The following AFG2A variants were observed in gnomAD, a reference collection of about 807,000 sequenced individuals.
The protein encoded by AFG2A is ATPase family gene 2 protein homolog A.
At chr4:123,059,516 G>T in the AFG2A span, among the ~76,000 whole-genome samples, 2 of 151,896 alleles carry the variant, frequency 1.3e-5, no homozygotes, top group Admixed American at 6.6e-5. Context: ...GTATTCCATG[G>T]TGTATCTGTG....
At chr4:123,171,816 T>C in the AFG2A span, among the ~76,000 whole-genome samples, 4 of 152,082 alleles carry the variant, frequency 2.6e-5, no homozygotes, top group Non-Finnish European at 5.9e-5. Context: ...TCCACAAATA[T>C]GCCTTGATAT....
the AFG2A span, among the ~76,000 whole-genome samples, chr4:123,009,036 C>G: frequency 6.6e-6 from 1 of 152,144 alleles, no homozygotes; most frequent in South Asian, 2.1e-4. Context: ...ACTCACTGGA[C>G]TTGGAAGCTG....
chr4:123,111,160 C>A, the AFG2A span, among the ~76,000 whole-genome samples: 1 of 152,036 alleles, frequency 6.6e-6, no homozygotes, highest in Non-Finnish European at 1.5e-5. Context: ...TTTAAGCCAA[C>A]CTGTATTTTT....
chr4:123,056,038 G>C, the AFG2A span, among the ~76,000 whole-genome samples: 2 of 152,196 alleles, frequency 1.3e-5, no homozygotes, highest in Non-Finnish European at 2.9e-5. Context: ...CCTGCTTAGA[G>C]CTAGCCAGTG....
chr4:123,285,713 G>A, the AFG2A span, among the ~76,000 whole-genome samples: 1 of 152,148 alleles, frequency 6.6e-6, no homozygotes, highest in Non-Finnish European at 1.5e-5. Flanking sequence ...GGTGGGTAAA[G>A]AAAAGGTACC....
chr4:123,228,475 C>G, the AFG2A span, among the ~76,000 whole-genome samples: 58 of 151,800 alleles, frequency 3.8e-4, 2 homozygotes, highest in East Asian at 5.0e-3. Flanking sequence ...TTCTTATTCC[C>G]TATAGAAGCC....
At chr4:123,001,990 G>T in the AFG2A span, among the ~76,000 whole-genome samples, 144 of 152,304 alleles carry the variant, frequency 9.5e-4, no homozygotes, top group African/African-American at 3.4e-3. Flanking sequence ...GGGTGCTCTT[G>T]TAATGGGTTC....
At chr4:123,096,540 G>A in the AFG2A span, among the ~76,000 whole-genome samples, 1 of 151,760 alleles carries the variant, frequency 6.6e-6, no homozygotes, top group Admixed American at 6.6e-5. Context: ...CTTCTTTCTC[G>A]GGTGATAAGC....
the AFG2A span, among the ~76,000 whole-genome samples, chr4:122,941,197 G>A: frequency 2.0e-5 from 3 of 151,590 alleles, no homozygotes; most frequent in Admixed American, 6.6e-5. Flanking sequence ...GATGGGGATG[G>A]CATTGAATCT....
At chr4:123,305,321 G>C in the AFG2A span, among the ~76,000 whole-genome samples, 1 of 152,166 alleles carries the variant, frequency 6.6e-6, no homozygotes, top group East Asian at 1.9e-4. Context: ...GGAAGGGAGC[G>C]GTTCTTGGTT....
At chr4:123,214,582 A>AAAAAAATAT in the AFG2A span, among the ~76,000 whole-genome samples, 1 of 151,402 alleles carries the variant, frequency 6.6e-6, no homozygotes, top group Non-Finnish European at 1.5e-5. Context: ...CTAGAAATAT[A>AAAAAAATAT]AAAAAAATTA....
At chr4:122,945,030 G>C in the AFG2A span, among the ~76,000 whole-genome samples, 2 of 152,180 alleles carry the variant, frequency 1.3e-5, no homozygotes, top group African/African-American at 4.8e-5. Context: ...GCCGTGTGAG[G>C]TGTCAGTCTG....
the AFG2A span, among the ~76,000 whole-genome samples, chr4:123,224,092 G>C: frequency 6.6e-6 from 1 of 151,950 alleles, no homozygotes; most frequent in Non-Finnish European, 1.5e-5. Flanking sequence ...GTTGATTTTT[G>C]TATATGATGT....
At chr4:123,055,658 G>C in the AFG2A span, among the ~76,000 whole-genome samples, 5 of 152,286 alleles carry the variant, frequency 3.3e-5, no homozygotes, top group Non-Finnish European at 7.4e-5. Flanking sequence ...TATGAATCTT[G>C]TTCAAAGTAA....
the AFG2A span, among the ~76,000 whole-genome samples, chr4:123,173,331 A>T: frequency 7.0e-6 from 1 of 143,318 alleles, no homozygotes; most frequent in Non-Finnish European, 1.5e-5. Context: ...TTAGTGAATA[A>T]GTCCAATGGT....
the AFG2A span, among the ~76,000 whole-genome samples, chr4:123,031,160 C>CT: frequency 5.9e-5 from 9 of 151,294 alleles, no homozygotes; most frequent in South Asian, 6.3e-4. Context: ...ACTCTGTTCT[C>CT]TTTTTTTTTG....
the AFG2A span, chr4:123,090,498 CTA>C: frequency 6.6e-7 from 1 of 1,506,008 alleles, no homozygotes; most frequent in Non-Finnish European, 9.1e-7. Flanking sequence ...TTGTTATAGA[CTA>C]TAGAACCTTT....
chr4:122,998,818 T>G, the AFG2A span, among the ~76,000 whole-genome samples: 1 of 152,192 alleles, frequency 6.6e-6, no homozygotes, highest in Non-Finnish European at 1.5e-5. Flanking sequence ...GTCCTTTGGG[T>G]GTATACCCAG....
chr4:123,317,225 A>AG, the AFG2A span: 3 of 15,064 alleles, frequency 2.0e-4, no homozygotes, highest in East Asian at 1.0e-3. Context: ...ACTCCGTCTC[A>AG]AAAAAAAAAA....
Sources: allele counts gnomAD v4.1 joint callset (sites outside exome capture counted in the v4.1 genomes callset), GRCh38; gene constraint gnomAD v4.1.1; transcripts MANE v1.5; gene names NCBI Gene and HGNC (gene_info 2026-07-23, HGNC 2026-07-21).